The following TNS1 variants were observed in gnomAD, a reference collection of about 807,000 sequenced individuals.
The protein encoded by TNS1 is tensin 1, also known as tensin-1.
Under a neutral mutation model 168.6 loss-of-function variants are expected in TNS1, and 62 were observed. The ratio of observed to expected loss-of-function variants is 0.37; its 90% CI spans 0.30 to 0.45. The LOEUF is 0.45. Ranked by LOEUF, TNS1 falls within the 20% of genes least tolerant of loss-of-function variation. The pLI is 1.00. For synonymous variants in TNS1, 934 were observed against 933.2 expected (o/e 1.00, Z -0.02); for missense variants, 2,240 against 2,339.4 (o/e 0.96, Z 0.88).
At chr2:217,839,627 C>T (rs1262480107) in intron 19 of TNS1, among the ~76,000 whole-genome samples, 3 of 152,134 alleles carry the variant, frequency 2.0e-5, no homozygotes, top group Non-Finnish European at 4.4e-5. Flanking sequence ...TGACACAGAC[C>T]GATACATGTA....
chr2:217,858,543 T>C, intron 18 of TNS1: 1 of 986,304 alleles, frequency 1.0e-6, no homozygotes. Context: ...CCCGCTCTGA[T>C]TTGATCCTGG....
Position 218,001,490 on chromosome 2 carries a change from G to A in TNS1, c.33+1350C>T, listed in dbSNP as rs542737362. Reference sequence around the variant, plus strand: ...TGGAGGTCTACCTGCCATCCTTCTTGTGTCACCCCTGGACGTCTACCTGCC... The same window carrying A: ...TGGAGGTCTACCTGCCATCCTTCTTATGTCACCCCTGGACGTCTACCTGCC... On this transcript the variant is annotated intron_variant, in intron 1 of 32. Transcript: ENST00000682258. 2.0e-5 allele frequency among the ~76,000 whole-genome samples: 3 copies of A among 152,052 alleles called. No homozygotes were observed. In the East Asian group the frequency reaches 5.8e-4, roughly 29 times the overall value.
intron 31 of TNS1, 129 bp from the exon 32 acceptor site, chr2:217,808,236 C>G: frequency 9.5e-7 from 1 of 1,057,912 alleles, no homozygotes; most frequent in Non-Finnish European, 1.4e-6. Context: ...CCTCATTCCC[C>G]CATTCCCCCA....
intron 3 of TNS1, among the ~76,000 whole-genome samples, chr2:217,964,617 T>A (rs557404926): frequency 3.0e-4 from 45 of 152,328 alleles, no homozygotes; most frequent in Non-Finnish European, 5.0e-4. Flanking sequence ...TTTTGGAAGC[T>A]GCGCGCTGAT....
intron 1 of TNS1, 112 bp downstream of exon 1, chr2:218,002,728 G>C (rs1958588841): frequency 2.2e-6 from 1 of 453,200 alleles, no homozygotes; most frequent in Non-Finnish European, 4.4e-6. Context: ...CCTCCTTCAA[G>C]ACTGACACCC....
intron 3 of TNS1, among the ~76,000 whole-genome samples, chr2:217,947,929 G>A (rs950704264): frequency 3.9e-5 from 6 of 152,222 alleles, no homozygotes; most frequent in African/African-American, 1.4e-4. Context: ...TGAAAATGTG[G>A]AAGTGCCTAT....
rs370567367 is a variant in TNS1, at chr2:218,017,097, G to A, written c.156+16723C>T. Among the ~76,000 whole-genome samples, 17 of 152,278 alleles carry A rather than the reference G, an allele frequency of 1.1e-4. 1 individual carries two copies. The highest frequency in any genetic ancestry group is 3.4e-4 in the African/African-American group (14 of 41,542). ...TCCTGCCTCCCCAGGCTCAGACCACGGAAGGGACAAACCCAGTGGGGAGTA... is the reference window on the plus strand; with the variant it reads ...TCCTGCCTCCCCAGGCTCAGACCACAGAAGGGACAAACCCAGTGGGGAGTA... On this transcript the variant is annotated intron_variant, in intron 1 of 1. Coordinates refer to the TNS1 transcript ENST00000649572.
upstream of TNS1, among the ~76,000 whole-genome samples, chr2:218,010,583 T>C (rs191422517): frequency 0.014 from 2,126 of 151,416 alleles, 56 homozygotes; most frequent in African/African-American, 0.048. Context: ...ACTTCTGAGG[T>C]TCGGGGAGCC....
chr2:217,926,725 A>G (rs1209293529), intron 3 of TNS1, among the ~76,000 whole-genome samples: 1 of 152,212 alleles, frequency 6.6e-6, no homozygotes, highest in Non-Finnish European at 1.5e-5. Context: ...TTGTGTATAC[A>G]TCGCTTCACT....
chr2:217,987,432 C>T (rs546788642), intron 2 of TNS1, among the ~76,000 whole-genome samples: 1 of 152,326 alleles, frequency 6.6e-6, no homozygotes, highest in Admixed American at 6.5e-5. Flanking sequence ...AAACCAGGAC[C>T]AGACCCCAGG....
chr2:217,886,642 C>A lies in TNS1; in HGVS notation c.871G>T (p.Val291Leu). The A allele has an allele frequency of 6.3e-7, 1 of 1,580,700 alleles. No individual in the cohort carries two copies. Among genetic ancestry groups the A allele is most frequent in the Non-Finnish European group, 8.6e-7 (1 of 1,162,360 alleles). Reference protein sequence around the residue: ...PIGQPSQRRYVHYFSGLLSGS... With the variant: ...PIGQPSQRRYLHYFSGLLSGS... ...GAGAGCAGGCCACTGAAGTAATGCA[C>A]GTACCTGTAGTGGTGGGAGAAGCAG... is the stretch of plus-strand genomic sequence containing the variant. Residue 291 changes from valine to leucine, a missense_variant, in exon 13 of 33, where the codon GTG (valine) becomes TTG (leucine). Val to Leu is a conservative substitution (Grantham distance 32). Around this residue, in one of 2 missense-constraint regions of TNS1, gnomAD observed 2,131 missense variants for 2,171.2 expected, o/e 0.98. Coordinates refer to ENST00000682258, the MANE Select transcript of TNS1 (RefSeq NM_001387777.1).
chr2:217,837,876 G>T (rs1945383399), intron 19 of TNS1, among the ~76,000 whole-genome samples: 1 of 152,220 alleles, frequency 6.6e-6, no homozygotes. Context: ...GGAAGGGTGG[G>T]CAGCTTGCTG....
chr2:217,957,840 CAA>C (rs35149245), intron 3 of TNS1, among the ~76,000 whole-genome samples: 14,617 of 73,942 alleles, frequency 0.2, 1,620 homozygotes, highest in African/African-American at 0.39. Context: ...AGTACTCCCG[CAA>C]AAAAAAAAAA....
Position 217,804,472 on chromosome 2 carries a change from C to T in TNS1, c.5507G>A (p.Gly1836Asp). 6.2e-7 allele frequency: 1 copy of T among 1,614,144 alleles called. No homozygotes were observed. Among genetic ancestry groups the T allele is most frequent in the Admixed American group, 1.7e-5 (1 of 60,024 alleles). ...AAGGGGCAGGGTTCATCTCTTTTGG[C>T]CGGCATTCAGCATGACCTTGGAGAC... is the stretch of plus-strand genomic sequence containing the variant. The part of the protein sequence containing the change: ...NFVSKVMLNA[G>D]QKR The change falls in exon 33 of 33, where the codon GGC becomes GAC. Residue 1836 changes from glycine (G) to aspartate (D), a missense_variant. Coordinates refer to ENST00000682258, the MANE Select transcript of TNS1 (RefSeq NM_001387777.1).
intron 3 of TNS1, among the ~76,000 whole-genome samples, chr2:217,920,608 A>G (rs1955617435): frequency 1.4e-5 from 2 of 146,392 alleles, no homozygotes; most frequent in Admixed American, 1.4e-4. Context: ...TTTCTACAAT[A>G]TGGTAAAATT....
At chr2:217,894,837 A>G (rs1217119990) in intron 9 of TNS1, among the ~76,000 whole-genome samples, 169 bp downstream of exon 9, 2 of 152,148 alleles carry the variant, frequency 1.3e-5, no homozygotes, top group South Asian at 2.1e-4. Flanking sequence ...GCTTTCTGTA[A>G]TTGGCATTGT....
At chr2:217,815,432 T>G (rs1262846481) in intron 24 of TNS1, 1 of 171,054 alleles carries the variant, frequency 5.8e-6, no homozygotes, top group African/African-American at 2.4e-5. Flanking sequence ...TTTCTGTCAT[T>G]TATAAGCCAC....
intron 1 of TNS1, among the ~76,000 whole-genome samples, chr2:218,029,419 G>C (rs536461907): frequency 3.9e-5 from 6 of 152,342 alleles, no homozygotes; most frequent in African/African-American, 1.4e-4. Context: ...ATACCAAACA[G>C]AAATCTGGCT....
intron 22 of TNS1, among the ~76,000 whole-genome samples, chr2:217,822,816 G>A (rs529048359): frequency 5.9e-4 from 90 of 152,244 alleles, no homozygotes; most frequent in African/African-American, 1.6e-3. Context: ...ACTCCTCTAC[G>A]GCCTCTGAGG....
Sources: gnomAD v4.1 joint callset for allele counts (sites outside exome capture counted in the v4.1 genomes callset) on GRCh38, gnomAD v4.1.1 for gene constraint, gnomAD v4.1.1 regional missense constraint, MANE v1.5 for transcripts, NCBI Gene and HGNC (gene_info 2026-07-23, HGNC 2026-07-21) for gene names.